Variants in PLD1 observed in about 807,000 individuals in gnomAD.
PLD1 encodes the protein choline phosphatase 1.
Under a neutral mutation model 137.1 loss-of-function variants are expected in PLD1, and 112 were observed. The ratio of observed to expected loss-of-function variants is 0.82; its 90% CI spans 0.70 to 0.96. The LOEUF is 0.96. PLD1 is among the 40% of genes least tolerant of loss of function. The pLI is 0.00. For synonymous variants in PLD1, 431 were observed against 454.7 expected, an observed-to-expected ratio of 0.95 and a Z score of 0.66; for missense variants, 1,321 against 1,342.0, an observed-to-expected ratio of 0.98 and a Z score of 0.24.
chr3:171,760,711 A>G (rs1341487957), intron 1 of PLD1, among the ~76,000 whole-genome samples: 1 of 152,214 alleles, frequency 6.6e-6, no homozygotes, highest in Non-Finnish European at 1.5e-5. Flanking sequence ...CTGGCAGGGT[A>G]ACTCACCAGC....
At chr3:171,672,805 C>T (rs1214864334) in intron 19 of PLD1, among the ~76,000 whole-genome samples, 1 of 152,150 alleles carries the variant, frequency 6.6e-6, no homozygotes, top group Non-Finnish European at 1.5e-5. Flanking sequence ...TCTCACACAA[C>T]ATCAGTGATG....
intron 1 of PLD1, among the ~76,000 whole-genome samples, chr3:171,757,896 T>C (rs1271971575): frequency 2.0e-5 from 3 of 152,236 alleles, no homozygotes; most frequent in African/African-American, 7.2e-5. Context: ...TGAAACCAGC[T>C]TTGTTTCCTT....
At chr3:171,718,397 A>G (rs1377487611) in intron 8 of PLD1, among the ~76,000 whole-genome samples, 1 of 152,208 alleles carries the variant, frequency 6.6e-6, no homozygotes, top group Admixed American at 6.5e-5. Context: ...ACGTACAAAG[A>G]AGAGCTAGTA....
At chr3:171,708,998 C>G (rs1194625806) in intron 10 of PLD1, 160 bp from the exon 11 acceptor site, 2 of 582,546 alleles carry the variant, frequency 3.4e-6, no homozygotes, top group East Asian at 5.6e-5. Flanking sequence ...TTGAAAATAC[C>G]AAGTTTCCTC....
At position 171,709,723 on chromosome 3, in the gene PLD1, G is replaced by C. The variant is rs1716994650; in HGVS notation, c.912-14C>G. 1 of 1,607,258 alleles carries C rather than the reference G, an allele frequency of 6.2e-7. No individual in the cohort carries two copies. The highest frequency in any genetic ancestry group is 1.3e-5 in the African/African-American group (1 of 74,476). ...AAAATAAGTGTCCTTTAAAGAAAAA[G>C]CCAAATATTGAAAAGACTGGTCACT... is the stretch of plus-strand genomic sequence containing the variant. On this transcript the variant is annotated splice_polypyrimidine_tract_variant and intron_variant, in intron 9 of 26. Coordinates refer to ENST00000351298, the MANE Select transcript of PLD1 (RefSeq NM_002662.5).
intron 1 of PLD1, among the ~76,000 whole-genome samples, chr3:171,759,715 A>G (rs2108304859): frequency 6.6e-6 from 1 of 152,366 alleles, no homozygotes; most frequent in South Asian, 2.1e-4. Flanking sequence ...GTTTTGTTTC[A>G]TGTAGCATAA....
At chr3:171,609,335 C>G (rs1327412450) in intron 25 of PLD1, among the ~76,000 whole-genome samples, 1 of 152,118 alleles carries the variant, frequency 6.6e-6, no homozygotes, top group Non-Finnish European at 1.5e-5. Flanking sequence ...ATGGACACTT[C>G]TCAAAGAGCT....
Position 171,612,137 on chromosome 3 carries a change from G to A in PLD1, c.2882+142C>T. 1 of 646,566 alleles carries A rather than the reference G, an allele frequency of 1.5e-6. No homozygotes were observed. The highest frequency in any genetic ancestry group is 2.4e-5 in the South Asian group (1 of 41,698). The allele number at this position is 646,566 out of a possible 1,614,324, so 40.1% of individuals were successfully genotyped here. A position where few individuals can be genotyped will look rare whatever the true frequency, so the allele number is the denominator to read the frequency against. On this transcript the variant is annotated intron_variant, in intron 25 of 26. Coordinates refer to ENST00000351298, the MANE Select transcript of PLD1 (RefSeq NM_002662.5). This position sits in a 1 kb window ranked among gnomAD's most constrained non-coding sequence, Gnocchi z 4.1. ...TAAAGTCATTTCGCATACTACTGGT[G>A]GTACATATCCTATATTCTGGGACAC...
At chr3:171,792,542 G>A (rs1723257654) in intron 1 of PLD1, 2 of 456,186 alleles carry the variant, frequency 4.4e-6, no homozygotes. Context: ...GCAAACCAGG[G>A]GACAAACCAG....
chr3:171,631,330 G>A (rs940521539), intron 23 of PLD1, among the ~76,000 whole-genome samples: 1 of 152,140 alleles, frequency 6.6e-6, no homozygotes, highest in African/African-American at 2.4e-5. Flanking sequence ...CGGATAATGG[G>A]AGCCGTGTTT....
At chr3:171,688,290 C>T (rs1714779226) in intron 14 of PLD1, among the ~76,000 whole-genome samples, 1 of 152,130 alleles carries the variant, frequency 6.6e-6, no homozygotes, top group Non-Finnish European at 1.5e-5. Flanking sequence ...TAGGAACTTT[C>T]CAAAAACTGT....
chr3:171,631,708 C>T (rs1172823808), intron 23 of PLD1, among the ~76,000 whole-genome samples: 1 of 152,082 alleles, frequency 6.6e-6, no homozygotes, highest in Non-Finnish European at 1.5e-5. Context: ...TTGGCCAAAT[C>T]TGGGCAAGCT....
At position 171,726,153 on chromosome 3, in the gene PLD1, T is replaced by C. The variant is rs1383023944; in HGVS notation, c.607-77A>G. 3 of 902,732 alleles carry C rather than the reference T, an allele frequency of 3.3e-6. No homozygotes were observed. In the African/African-American group the frequency reaches 4.9e-5, roughly 15 times the overall value. 55.9% of individuals were successfully genotyped at this position (902,732 alleles called of 1,614,324 possible). A position where few individuals can be genotyped will look rare whatever the true frequency, so the allele number is the denominator to read the frequency against. On this transcript the variant is annotated intron_variant, in intron 6 of 26. Transcript: ENST00000351298. The stretch of plus-strand genomic sequence containing the variant: ...TGCATTAAAAAACATGTATTAGGTA[T>C]AGCTGTGTGTATATACTGTTTGGTG...
At chr3:171,656,689 A>G (rs1432970243) in intron 21 of PLD1, among the ~76,000 whole-genome samples, 1 of 152,178 alleles carries the variant, frequency 6.6e-6, no homozygotes, top group Non-Finnish European at 1.5e-5. Context: ...ATGTGTAGTC[A>G]CAGGTGAGAT....
intron 23 of PLD1, among the ~76,000 whole-genome samples, chr3:171,621,736 G>A (rs1256911223): frequency 6.6e-6 from 1 of 152,126 alleles, no homozygotes; most frequent in African/African-American, 2.4e-5. Context: ...TCATGTAAAT[G>A]AGGTTTTTGC....
Position 171,612,446 on chromosome 3 carries a change from C to G in PLD1, c.2729-14G>C, listed in dbSNP as rs181714663. On this transcript the variant is annotated splice_polypyrimidine_tract_variant and intron_variant, in intron 24 of 26. Transcript: ENST00000351298. The surrounding 1 kb of genome is among the most constrained non-coding windows in gnomAD (Gnocchi z 4.1). ...TGTTGGCAGAGCCTGTAAGGAGAAA[C>G]AGTGAGGCTGAACAACCTTCCTGTT... 2.5e-4 allele frequency: 402 copies of G among 1,612,884 alleles called. No homozygotes were observed. The African/African-American group carries it at 4.9e-3, about 20-fold the overall frequency.
chr3:171,750,182 T>C (rs1720554187), intron 1 of PLD1, among the ~76,000 whole-genome samples: 1 of 152,140 alleles, frequency 6.6e-6, no homozygotes, highest in Non-Finnish European at 1.5e-5. Flanking sequence ...TGCTCAAGGA[T>C]GTAAAGGAAA....
chr3:171,803,118 G>A (rs1723708355), intron 1 of PLD1, among the ~76,000 whole-genome samples: 1 of 152,226 alleles, frequency 6.6e-6, no homozygotes, highest in Non-Finnish European at 1.5e-5. Flanking sequence ...GATGGAGAAG[G>A]AGGGAAGGCC....
At chr3:171,661,305 C>T (rs1446070348) in intron 20 of PLD1, among the ~76,000 whole-genome samples, 1 of 151,914 alleles carries the variant, frequency 6.6e-6, no homozygotes, top group African/African-American at 2.4e-5. Context: ...TAACCCATTC[C>T]CCTATCTACC....
Sources: allele counts gnomAD v4.1 joint callset (sites outside exome capture counted in the v4.1 genomes callset), GRCh38; gene constraint gnomAD v4.1.1; non-coding constraint Gnocchi (gnomAD v3.1); transcripts MANE v1.5; gene names NCBI Gene and HGNC (gene_info 2026-07-23, HGNC 2026-07-21).